The following CENPP variants were observed in gnomAD, a reference collection of about 807,000 sequenced individuals.
CENPP encodes the protein centromere protein P.
In CENPP, 24 loss-of-function variants were observed where a neutral mutation model predicts 35.6. The ratio of observed to expected loss-of-function variants is 0.67; its 90% CI spans 0.49 to 0.95. The LOEUF is 0.95. CENPP is among the 40% of genes least tolerant of loss of function. The pLI, the probability that CENPP is intolerant of heterozygous loss-of-function variation, is 0.00. For missense variants in CENPP, 332 were observed against 345.3 expected (o/e 0.96, Z 0.31); for synonymous variants, 120 against 125.5 (o/e 0.96, Z 0.29).
intron 5 of CENPP, chr9:92,611,095 G>A (rs1851226613): frequency 3.3e-6 from 2 of 602,910 alleles, no homozygotes; most frequent in South Asian, 3.9e-5. Flanking sequence ...TCATGATGGG[G>A]AAGCAGCAGT....
chr9:92,391,402 A>C (rs909996896), intron 5 of CENPP, among the ~76,000 whole-genome samples: 3 of 151,824 alleles, frequency 2.0e-5, no homozygotes, highest in Admixed American at 1.3e-4. Flanking sequence ...GTAAGACTCC[A>C]TCTCAAAAAA....
At chr9:92,544,705 A>T (rs1849390319) in intron 5 of CENPP, among the ~76,000 whole-genome samples, 2 of 140,132 alleles carry the variant, frequency 1.4e-5, no homozygotes, top group African/African-American at 2.9e-5. Flanking sequence ...AATTGTTATC[A>T]CTATAAATTT....
intron 5 of CENPP, among the ~76,000 whole-genome samples, chr9:92,545,443 G>T (rs755987517): frequency 1.3e-5 from 2 of 152,200 alleles, no homozygotes; most frequent in Non-Finnish European, 2.9e-5. Flanking sequence ...CCGGCCCACC[G>T]GCGCTGTGCT....
chr9:92,413,013 T>A (rs1843489636), intron 5 of CENPP, among the ~76,000 whole-genome samples: 1 of 149,612 alleles, frequency 6.7e-6, no homozygotes, highest in African/African-American at 2.5e-5. Flanking sequence ...ATATGGACTT[T>A]TGCTCTTGTT....
At chr9:92,451,889 GCTCT>G in intron 5 of CENPP, among the ~76,000 whole-genome samples, 1 of 151,648 alleles carries the variant, frequency 6.6e-6, no homozygotes, top group South Asian at 2.1e-4. Flanking sequence ...TCATGATTTG[GCTCT>G]CTGTTTGTCT....
At chr9:92,565,385 CT>C (rs1240621977) in intron 5 of CENPP, among the ~76,000 whole-genome samples, 3 of 148,426 alleles carry the variant, frequency 2.0e-5, no homozygotes, top group African/African-American at 7.5e-5. Flanking sequence ...TCATCCTGGG[CT>C]GCATGCAGCC....
chr9:92,555,963 A>G (rs138182224), intron 5 of CENPP, among the ~76,000 whole-genome samples: 6,057 of 151,810 alleles, frequency 0.04, 185 homozygotes, highest in South Asian at 0.099. Flanking sequence ...TTGTTTCTCT[A>G]GTTCCTTGAG....
At chr9:92,494,113 G>A in intron 5 of CENPP, 2 of 1,597,900 alleles carry the variant, frequency 1.3e-6, no homozygotes, top group Non-Finnish European at 1.7e-6. Flanking sequence ...CATCTGATCT[G>A]TTTGTCACTG....
chr9:92,382,073 T>G (rs979867739), intron 5 of CENPP, among the ~76,000 whole-genome samples: 1 of 152,044 alleles, frequency 6.6e-6, no homozygotes, highest in Admixed American at 6.6e-5. Context: ...ATTTTTGAAT[T>G]GGGTTGTTTT....
intron 5 of CENPP, among the ~76,000 whole-genome samples, chr9:92,444,234 C>T (rs552599595): frequency 6.6e-6 from 1 of 152,206 alleles, no homozygotes; most frequent in African/African-American, 2.4e-5. Context: ...TGAGATGCCT[C>T]ACTGTGGTGT....
intron 4 of CENPP, among the ~76,000 whole-genome samples, chr9:92,355,259 G>C (rs758472819): frequency 5.5e-4 from 84 of 152,212 alleles, no homozygotes; most frequent in Middle Eastern, 3.4e-3. Context: ...GACATTCCCA[G>C]AGTGGCTGTT....
At chr9:92,344,237 T>C (rs1841211190) in intron 3 of CENPP, among the ~76,000 whole-genome samples, 2 of 152,234 alleles carry the variant, frequency 1.3e-5, no homozygotes, top group South Asian at 4.1e-4. Flanking sequence ...TATTTTGAAG[T>C]CAGCTTTTGA....
intron 5 of CENPP, among the ~76,000 whole-genome samples, chr9:92,425,080 G>A (rs1010759603): frequency 1.3e-5 from 2 of 152,134 alleles, no homozygotes; most frequent in East Asian, 1.9e-4. Context: ...ATAACATTTC[G>A]CATTGTTTAT....
At chr9:92,528,320 A>C (rs1396116110) in intron 5 of CENPP, among the ~76,000 whole-genome samples, 1 of 152,200 alleles carries the variant, frequency 6.6e-6, no homozygotes, top group Non-Finnish European at 1.5e-5. Context: ...AGGGGAACAC[A>C]GGCAGAGTCC....
chr9:92,457,416 T>C, intron 5 of CENPP: 1 of 1,613,926 alleles, frequency 6.2e-7, no homozygotes, highest in South Asian at 1.1e-5. Context: ...GATTTCTTCA[T>C]CTTTGGCACT....
upstream of CENPP, chr9:92,325,620 G>A (rs560362686): frequency 1.3e-3 from 267 of 209,712 alleles, 1 homozygote; most frequent in African/African-American, 6.1e-3. Context: ...AAAAAATAAA[G>A]AGGCGCTCCC....
chr9:92,532,116 C>G (rs1438301118), intron 5 of CENPP, among the ~76,000 whole-genome samples: 1 of 147,520 alleles, frequency 6.8e-6, no homozygotes, highest in African/African-American at 2.6e-5. Context: ...CTGACTCAAC[C>G]TTTCGAGTAG....
intron 4 of CENPP, among the ~76,000 whole-genome samples, chr9:92,362,506 T>C (rs182907567): frequency 2.0e-5 from 3 of 152,360 alleles, no homozygotes; most frequent in Admixed American, 2.0e-4. Context: ...TCTGCATAGA[T>C]GATATTTTGT....
intron 5 of CENPP, among the ~76,000 whole-genome samples, chr9:92,540,658 C>CTG (rs1849297621): frequency 6.6e-6 from 1 of 151,614 alleles, no homozygotes; most frequent in Admixed American, 6.6e-5. Context: ...GTAGTCGCAG[C>CTG]TACTCGGGAG....
Sources: gnomAD v4.1 joint callset for allele counts (sites outside exome capture counted in the v4.1 genomes callset) on GRCh38, gnomAD v4.1.1 for gene constraint, MANE v1.5 for transcripts, NCBI Gene and HGNC (gene_info 2026-07-23, HGNC 2026-07-21) for gene names.